The following SCN8A variants were observed in gnomAD, a reference collection of about 807,000 sequenced individuals.
SCN8A encodes sodium voltage-gated channel alpha subunit 8, also known as sodium channel protein type 8 subunit alpha.
In SCN8A, 30 loss-of-function variants were observed where a neutral mutation model predicts 184.1. The observed-to-expected ratio is 0.16, with a 90% CI of 0.12 to 0.22. The LOEUF is 0.22. Among genes scored for constraint, SCN8A ranks in the 10% least tolerant of loss-of-function variants. The probability of loss-of-function intolerance (pLI) is 1.00; values close to 1 mark genes in which losing one functional copy is unlikely to be tolerated. For synonymous variants in SCN8A, 852 were observed against 907.0 expected (o/e 0.94, Z 1.09); for missense variants, 1,057 against 2,498.9 (o/e 0.42, Z 12.30).
chr12:51,592,182 G>T (rs1434394106), intron 1 of SCN8A, among the ~76,000 whole-genome samples: 2 of 151,504 alleles, frequency 1.3e-5, no homozygotes, highest in African/African-American at 4.9e-5. Context: ...TGTTTGCCCA[G>T]CTCCGTGGGC....
At chr12:51,713,525 G>A in intron 11 of SCN8A, 1 of 754,350 alleles carries the variant, frequency 1.3e-6, no homozygotes, top group Non-Finnish European at 2.4e-6. Flanking sequence ...GGTTCCTTTG[G>A]GTCATGGCCC....
intron 12 of SCN8A, among the ~76,000 whole-genome samples, chr12:51,736,705 A>G (rs1329941015): frequency 1.3e-5 from 2 of 152,238 alleles, no homozygotes; most frequent in East Asian, 1.9e-4. Context: ...CCTAACTGCT[A>G]TTTGCAGTTG....
chr12:51,664,002 T>C (rs1290190128), intron 2 of SCN8A, among the ~76,000 whole-genome samples: 5 of 136,914 alleles, frequency 3.7e-5, no homozygotes, highest in Non-Finnish European at 6.2e-5. Flanking sequence ...CTCCGCCTCC[T>C]GGTTTCAAGC....
intron 26 of SCN8A, among the ~76,000 whole-genome samples, chr12:51,805,487 A>T (rs1938673676): frequency 6.6e-6 from 1 of 152,068 alleles, no homozygotes. Context: ...AGGAAATTAT[A>T]TATATATATA....
intron 1 of SCN8A, among the ~76,000 whole-genome samples, chr12:51,629,423 A>G (rs1295982702): frequency 1.3e-5 from 2 of 152,054 alleles, no homozygotes; most frequent in East Asian, 3.9e-4. Context: ...TCAGCCCCCA[A>G]GTTGTGACAC....
chr12:51,799,635 C>T (rs778073020), intron 26 of SCN8A, among the ~76,000 whole-genome samples: 3 of 152,224 alleles, frequency 2.0e-5, no homozygotes, highest in Non-Finnish European at 2.9e-5. Flanking sequence ...GCAGCTTGCA[C>T]AACAGCCTGG....
intron 13 of SCN8A, among the ~76,000 whole-genome samples, chr12:51,748,178 C>T (rs1333244596): frequency 6.6e-6 from 1 of 152,184 alleles, no homozygotes; most frequent in Non-Finnish European, 1.5e-5. Context: ...ATGCTTGCTA[C>T]AGCATTAAAA....
At chr12:51,613,753 C>T (rs1939773405) in intron 1 of SCN8A, among the ~76,000 whole-genome samples, 1 of 151,912 alleles carries the variant, frequency 6.6e-6, no homozygotes, top group South Asian at 2.1e-4. Flanking sequence ...TACTGTTGTC[C>T]CTGCATTTTA....
At chr12:51,713,702 G>C (rs1941920036) in intron 11 of SCN8A, 1 of 419,126 alleles carries the variant, frequency 2.4e-6, no homozygotes, top group Admixed American at 4.1e-5. Context: ...TAAATATTAA[G>C]TTGAGCCTAT....
At chr12:51,717,175 G>A (rs376040665) in intron 11 of SCN8A, among the ~76,000 whole-genome samples, 3 of 152,138 alleles carry the variant, frequency 2.0e-5, no homozygotes, top group Admixed American at 2.0e-4. Context: ...CGGAAGTAAC[G>A]AACTCTTCTT....
intron 1 of SCN8A, among the ~76,000 whole-genome samples, chr12:51,605,207 A>G (rs1939561838): frequency 6.6e-6 from 1 of 152,102 alleles, no homozygotes; most frequent in Admixed American, 6.6e-5. Context: ...ATTTTGGTGT[A>G]CCCATCACCT....
At chr12:51,759,144 T>C (rs1942726325) in intron 14 of SCN8A, among the ~76,000 whole-genome samples, 1 of 152,096 alleles carries the variant, frequency 6.6e-6, no homozygotes. Flanking sequence ...CATTTGATAT[T>C]GGCCTTGCAG....
In SCN8A at chr12:51,806,345, G is replaced by A; in HGVS notation, c.4859G>A (p.Arg1620Gln). ...FVSPTLFRVI[R>Q]LARIGRILRL... ...TCCCCAACCCTATTCCGAGTCATCC[G>A]ATTGGCCCGTATTGGGCGCATCTTG... The change falls in exon 27 of 27, where the codon CGA becomes CAA. Residue 1620 changes from arginine (R) to glutamine (Q), a missense_variant. Arg to Gln is a conservative substitution (Grantham distance 43, BLOSUM62 1). Coordinates refer to ENST00000627620, the MANE Select transcript of SCN8A (RefSeq NM_001330260.2). The surrounding 1 kb of genome is among the most constrained non-coding windows in gnomAD (Gnocchi z 8.7). 6.4e-7 allele frequency: 1 copy of A among 1,567,514 alleles called. No individual in the cohort carries two copies. The highest frequency in any genetic ancestry group is 8.7e-7 in the Non-Finnish European group (1 of 1,154,752).
chr12:51,694,089 C>T lies in SCN8A; in HGVS notation c.706+4993C>T, dbSNP rs567179535. Among the ~76,000 whole-genome samples the T allele has an allele frequency of 2.5e-3, 381 of 152,276 alleles. 2 individuals are homozygous for T. Among genetic ancestry groups the T allele is most frequent in the African/African-American group, 8.5e-3 (354 of 41,554 alleles). On this transcript the variant is annotated intron_variant, in intron 6 of 26. Transcript: ENST00000627620. ...CTAGGATTACAAGCATGCGCCACAA[C>T]GCCCAGCTAATTTTTGTATTTTTAG...
chr12:51,711,112 AGTATGATAGTAGCTTT>A (rs993836654), intron 11 of SCN8A, among the ~76,000 whole-genome samples: 9 of 152,334 alleles, frequency 5.9e-5, no homozygotes, highest in Admixed American at 5.9e-4. Flanking sequence ...TTTTGGGGAA[AGTATGATAGTAGCTTT>A]GTTGTAATTT....
chr12:51,734,636 A>G (rs1781801571), intron 12 of SCN8A, among the ~76,000 whole-genome samples: 1 of 152,226 alleles, frequency 6.6e-6, no homozygotes, highest in Non-Finnish European at 1.5e-5. Context: ...AACATGTTAC[A>G]GTGCTGCAGA....
At chr12:51,741,282 T>G (rs1942418465) in intron 12 of SCN8A, among the ~76,000 whole-genome samples, 1 of 152,238 alleles carries the variant, frequency 6.6e-6, no homozygotes, top group South Asian at 2.1e-4. Flanking sequence ...AGCTACTACT[T>G]CTGCTCTTTT....
intron 12 of SCN8A, among the ~76,000 whole-genome samples, chr12:51,727,683 A>C (rs528830204): frequency 6.6e-6 from 1 of 152,312 alleles, no homozygotes; most frequent in African/African-American, 2.4e-5. Context: ...GTCTGATTTA[A>C]CATAAATAGT....
At chr12:51,605,177 C>G (rs187685017) in intron 1 of SCN8A, among the ~76,000 whole-genome samples, 2 of 150,180 alleles carry the variant, frequency 1.3e-5, no homozygotes, top group Non-Finnish European at 2.9e-5. Context: ...TCAGTAAGTT[C>G]TTTAGTGGTG....
Sources: allele counts gnomAD v4.1 joint callset (sites outside exome capture counted in the v4.1 genomes callset), GRCh38; gene constraint gnomAD v4.1.1; non-coding constraint Gnocchi (gnomAD v3.1); transcripts MANE v1.5; gene names NCBI Gene and HGNC (gene_info 2026-07-23, HGNC 2026-07-21).